ALK: variants seen among roughly 807,000 people sequenced by gnomAD.
ALK encodes the protein ALK receptor tyrosine kinase.
In ALK, 74 loss-of-function variants were observed where a neutral mutation model predicts 163.1. That is an observed-to-expected ratio of 0.45 (90% confidence interval 0.38 to 0.55). The LOEUF (loss-of-function observed/expected upper bound fraction) is 0.55, where lower values mean the gene tolerates loss of function less well. ALK is among the 20% of genes least tolerant of loss of function. The probability of loss-of-function intolerance (pLI) is 0.00; values close to 1 mark genes in which losing one functional copy is unlikely to be tolerated. For synonymous variants in ALK, 960 were observed against 843.2 expected (o/e 1.14, Z -2.40); for missense variants, 2,063 against 2,105.3 (o/e 0.98, Z 0.39).
At chr2:29,658,677 C>T (rs1019922404) in intron 3 of ALK, among the ~76,000 whole-genome samples, 21 of 152,192 alleles carry the variant, frequency 1.4e-4, no homozygotes, top group African/African-American at 3.4e-4. Context: ...GCAAGTGTGA[C>T]GAGTGCCATT....
intron 3 of ALK, among the ~76,000 whole-genome samples, chr2:29,653,163 T>C (rs1334997952): frequency 6.6e-6 from 1 of 152,172 alleles, no homozygotes; most frequent in East Asian, 1.9e-4. Context: ...TCCTGCTTGC[T>C]TGGTGTGCGG....
intron 3 of ALK, among the ~76,000 whole-genome samples, chr2:29,626,110 C>T (rs1676187328): frequency 6.6e-6 from 1 of 152,168 alleles, no homozygotes; most frequent in Non-Finnish European, 1.5e-5. Context: ...GACTGAAGGG[C>T]TGTGTCCCTC....
chr2:29,536,566 T>C (rs550370228), intron 3 of ALK, among the ~76,000 whole-genome samples: 3 of 152,274 alleles, frequency 2.0e-5, no homozygotes, highest in African/African-American at 7.2e-5. Context: ...GACACAAGCA[T>C]GGACTAATAC....
At chr2:29,499,880 C>T (rs1672122954) in intron 4 of ALK, among the ~76,000 whole-genome samples, 1 of 152,156 alleles carries the variant, frequency 6.6e-6, no homozygotes, top group African/African-American at 2.4e-5. Context: ...AGTATACCTT[C>T]CCCTCTCCTT....
chr2:29,589,707 T>A (rs569763442), intron 3 of ALK, among the ~76,000 whole-genome samples: 2 of 152,220 alleles, frequency 1.3e-5, no homozygotes, highest in Non-Finnish European at 2.9e-5. Flanking sequence ...TTCTCGTTCA[T>A]GGTTACAGCT....
chr2:29,390,830 T>C (rs1182770041), intron 4 of ALK, among the ~76,000 whole-genome samples: 1 of 152,266 alleles, frequency 6.6e-6, no homozygotes, highest in Admixed American at 6.5e-5. Context: ...TAATTTTCTG[T>C]AATAATAATT....
intron 3 of ALK, among the ~76,000 whole-genome samples, chr2:29,567,119 T>C (rs1044182729): frequency 3.3e-5 from 5 of 152,190 alleles, no homozygotes; most frequent in African/African-American, 9.7e-5. Flanking sequence ...GTGCTCTATG[T>C]AAATGAAGAA....
intron 23 of ALK, among the ~76,000 whole-genome samples, chr2:29,217,496 C>T (rs1669672723): frequency 6.6e-6 from 1 of 151,888 alleles, no homozygotes; most frequent in African/African-American, 2.4e-5. Context: ...ATTTTTTCAT[C>T]TGTACCCATG....
chr2:29,504,668 A>G (rs891176829), intron 4 of ALK, among the ~76,000 whole-genome samples: 1 of 152,008 alleles, frequency 6.6e-6, no homozygotes, highest in Admixed American at 6.6e-5. Flanking sequence ...ACAAGGAGAG[A>G]GGCAGTGAAG....
intron 3 of ALK, among the ~76,000 whole-genome samples, chr2:29,675,189 C>G (rs1677836566): frequency 6.6e-6 from 1 of 151,938 alleles, no homozygotes; most frequent in Non-Finnish European, 1.5e-5. Flanking sequence ...TAAACTATAT[C>G]AATATTTTTC....
At chr2:29,241,160 G>A (rs547504443) in intron 12 of ALK, among the ~76,000 whole-genome samples, 17 of 152,270 alleles carry the variant, frequency 1.1e-4, no homozygotes, top group East Asian at 5.8e-4. Context: ...GGTGTAAGGC[G>A]TTGTGAACCT....
chr2:29,251,315 T>C (rs1573160910), intron 11 of ALK, 48 bp from the exon 12 acceptor site: 1 of 1,584,794 alleles, frequency 6.3e-7, no homozygotes, highest in East Asian at 2.3e-5. Flanking sequence ...AGGCCCTCCC[T>C]CCTCCAGGGG....
At chr2:29,686,149 G>A (rs1273682982) in intron 3 of ALK, among the ~76,000 whole-genome samples, 1 of 152,150 alleles carries the variant, frequency 6.6e-6, no homozygotes, top group Non-Finnish European at 1.5e-5. Flanking sequence ...GTTGGGGGCT[G>A]GAGGAAGCAT....
intron 24 of ALK, among the ~76,000 whole-genome samples, chr2:29,212,235 ACT>A (rs1455900628): frequency 1.3e-5 from 2 of 152,148 alleles, no homozygotes; most frequent in African/African-American, 2.4e-5. Context: ...TGGAAAGATG[ACT>A]CTAACCAAGG....
intron 1 of ALK, among the ~76,000 whole-genome samples, chr2:29,849,538 G>A (rs1265876238): frequency 6.6e-6 from 1 of 152,128 alleles, no homozygotes; most frequent in South Asian, 2.1e-4. Context: ...GTATTCTCAG[G>A]GCCTACGTGG....
At chr2:29,609,695 G>A (rs971950860) in intron 3 of ALK, among the ~76,000 whole-genome samples, 8 of 150,576 alleles carry the variant, frequency 5.3e-5, no homozygotes, top group African/African-American at 1.7e-4. Flanking sequence ...CCAGGTTGAA[G>A]TGCAATAGCA....
At chr2:29,749,628 C>T (rs897876036) in intron 1 of ALK, among the ~76,000 whole-genome samples, 20 of 152,132 alleles carry the variant, frequency 1.3e-4, no homozygotes, top group Admixed American at 6.5e-4. Context: ...CTCCATAGGG[C>T]GGTGGGCCCA....
chr2:29,888,939 C>A (rs1362055781), intron 1 of ALK, among the ~76,000 whole-genome samples: 1 of 152,144 alleles, frequency 6.6e-6, no homozygotes, highest in East Asian at 1.9e-4. Context: ...TGAAATAGAA[C>A]ATTTTGTTAA....
chr2:29,336,549 G>A (rs1332788126), intron 5 of ALK, among the ~76,000 whole-genome samples: 3 of 152,118 alleles, frequency 2.0e-5, no homozygotes, highest in Non-Finnish European at 1.5e-5. Context: ...ATGTGGCCCA[G>A]GTCAGGTTAC....
Sources: allele counts gnomAD v4.1 joint callset (sites outside exome capture counted in the v4.1 genomes callset), GRCh38; gene constraint gnomAD v4.1.1; transcripts MANE v1.5; gene names NCBI Gene and HGNC (gene_info 2026-07-23, HGNC 2026-07-21).